C10orf90: variants seen among roughly 807,000 people sequenced by gnomAD.
C10orf90 encodes the protein chromosome 10 open reading frame 90.
In C10orf90, 56 loss-of-function variants were observed where a neutral mutation model predicts 62.5. That is an observed-to-expected ratio of 0.90 (90% confidence interval 0.72 to 1.12). The LOEUF (loss-of-function observed/expected upper bound fraction) is 1.12, where lower values mean the gene tolerates loss of function less well. Among genes scored for constraint, C10orf90 ranks in the 50% most tolerant of loss-of-function variants. The pLI, the probability that C10orf90 is intolerant of heterozygous loss-of-function variation, is 0.00. For missense variants in C10orf90, 970 were observed against 880.4 expected (o/e 1.10, Z -1.29); for synonymous variants, 386 against 340.4 (o/e 1.13, Z -1.47).
chr10:126,562,087 G>A (rs1270237895), intron 2 of C10orf90, among the ~76,000 whole-genome samples: 2 of 152,128 alleles, frequency 1.3e-5, no homozygotes, highest in East Asian at 1.9e-4. Flanking sequence ...CCCAAGTGGC[G>A]ACAGGCTGCC....
chr10:126,528,025 G>C (rs913839429), intron 2 of C10orf90, among the ~76,000 whole-genome samples: 7 of 152,144 alleles, frequency 4.6e-5, no homozygotes, highest in Admixed American at 4.6e-4. Context: ...TCAGAAACCA[G>C]AAACCAGGAA....
At chr10:126,655,742 A>C (rs1664960985) in intron 1 of C10orf90, among the ~76,000 whole-genome samples, 1 of 151,974 alleles carries the variant, frequency 6.6e-6, no homozygotes, top group African/African-American at 2.4e-5. Flanking sequence ...AACACCTCAG[A>C]GAGTTCTGGG....
chr10:126,475,353 G>A (rs1311743491), intron 4 of C10orf90, among the ~76,000 whole-genome samples: 1 of 152,154 alleles, frequency 6.6e-6, no homozygotes, highest in Non-Finnish European at 1.5e-5. Context: ...TTAGGCTTAA[G>A]CCCCAGGATG....
At chr10:126,497,487 C>T (rs1407748991) in intron 4 of C10orf90, among the ~76,000 whole-genome samples, 1 of 152,214 alleles carries the variant, frequency 6.6e-6, no homozygotes, top group East Asian at 1.9e-4. Flanking sequence ...ACCAGAGAAG[C>T]TGGCTTGTCT....
At chr10:126,665,780 C>T (rs939854989) in intron 1 of C10orf90, among the ~76,000 whole-genome samples, 5 of 152,062 alleles carry the variant, frequency 3.3e-5, no homozygotes, top group East Asian at 1.9e-4. Context: ...GAGGTAGAGA[C>T]GGAAATTAGA....
chr10:126,633,157 G>A (rs944584319), intron 2 of C10orf90, among the ~76,000 whole-genome samples: 1 of 152,166 alleles, frequency 6.6e-6, no homozygotes, highest in Admixed American at 6.5e-5. Context: ...TGCCTGGAAG[G>A]GGGTGATGTC....
At chr10:126,501,613 G>C (rs145032507) in intron 4 of C10orf90, among the ~76,000 whole-genome samples, 167 of 152,224 alleles carry the variant, frequency 1.1e-3, no homozygotes, top group South Asian at 9.7e-3. Context: ...TAGTTACCCA[G>C]ATGAGGAGTT....
intron 2 of C10orf90, among the ~76,000 whole-genome samples, chr10:126,568,771 C>T (rs1844444844): frequency 6.6e-6 from 1 of 152,134 alleles, no homozygotes; most frequent in South Asian, 2.1e-4. Context: ...CCAAGGGGCT[C>T]ACAGCTCACA....
At chr10:126,614,412 T>C (rs561675350) in intron 2 of C10orf90, among the ~76,000 whole-genome samples, 15 of 152,146 alleles carry the variant, frequency 9.9e-5, no homozygotes, top group Non-Finnish European at 2.1e-4. Flanking sequence ...AAGAACAGCC[T>C]TCAGTGGATT....
At chr10:126,660,672 G>A (rs114134754) in intron 1 of C10orf90, among the ~76,000 whole-genome samples, 1,672 of 152,314 alleles carry the variant, frequency 0.011, 23 homozygotes, top group Middle Eastern at 0.034. Context: ...CAGGACTTCT[G>A]ATCTACAAAT....
Position 126,590,164 on chromosome 10 carries a change from A to G in C10orf90, c.313+56401T>C, listed in dbSNP as rs548497000. On this transcript the variant is annotated intron_variant, in intron 2 of 9. Transcript: ENST00000488181. ...ACTGTTATAAATATATATGTACCCAACACAGGTGGACCCAGATTCATAAAG... is the reference window on the plus strand; with the variant it reads ...ACTGTTATAAATATATATGTACCCAGCACAGGTGGACCCAGATTCATAAAG... 2.6e-5 allele frequency among the ~76,000 whole-genome samples: 4 copies of G among 152,324 alleles called. No individual in the cohort carries two copies. In the South Asian group the frequency reaches 8.3e-4, roughly 32 times the overall value.
intron 2 of C10orf90, among the ~76,000 whole-genome samples, chr10:126,606,585 C>T (rs1172691065): frequency 2.0e-5 from 3 of 152,130 alleles, no homozygotes; most frequent in African/African-American, 7.2e-5. Context: ...TACAGGCATT[C>T]CATCTGCTGG....
intron 2 of C10orf90, among the ~76,000 whole-genome samples, chr10:126,605,928 T>TA (rs991738030): frequency 6.6e-6 from 1 of 150,594 alleles, no homozygotes; most frequent in Non-Finnish European, 1.5e-5. Flanking sequence ...ATTGCAGCAC[T>TA]AAAAAAAGAA....
intron 4 of C10orf90, among the ~76,000 whole-genome samples, chr10:126,476,909 T>C (rs995374232): frequency 2.3e-5 from 1 of 43,100 alleles, no homozygotes; most frequent in South Asian, 6.8e-4. Flanking sequence ...ACCATTTTCC[T>C]TTTTTTTTTT....
chr10:126,628,861 C>T (rs776827231), intron 2 of C10orf90, among the ~76,000 whole-genome samples: 27 of 152,214 alleles, frequency 1.8e-4, no homozygotes, highest in Non-Finnish European at 3.5e-4. Flanking sequence ...ATCCCAGCCA[C>T]TACAGAGGGG....
intron 2 of C10orf90, among the ~76,000 whole-genome samples, chr10:126,568,249 G>C (rs564704800): frequency 2.0e-5 from 3 of 152,314 alleles, no homozygotes; most frequent in African/African-American, 7.2e-5. Flanking sequence ...GTCACACAAG[G>C]CTGGAATCAG....
chr10:126,656,115 C>T (rs1219855606), intron 1 of C10orf90, among the ~76,000 whole-genome samples: 21 of 152,174 alleles, frequency 1.4e-4, no homozygotes, highest in South Asian at 1.2e-3. Flanking sequence ...ACAGAAAAAT[C>T]GTAGCAGCCA....
intron 4 of C10orf90, among the ~76,000 whole-genome samples, chr10:126,481,731 C>T (rs923744860): frequency 4.6e-5 from 7 of 152,146 alleles, no homozygotes; most frequent in South Asian, 4.2e-4. Flanking sequence ...TATCTCTCCC[C>T]GTTCATCCTC....
chr10:126,448,241 A>C (rs1858927813), intron 7 of C10orf90, among the ~76,000 whole-genome samples: 1 of 152,176 alleles, frequency 6.6e-6, no homozygotes, highest in East Asian at 1.9e-4. Flanking sequence ...GAAAATTCAT[A>C]GATATGTGAA....
Sources: allele counts gnomAD v4.1 joint callset (sites outside exome capture counted in the v4.1 genomes callset), GRCh38; gene constraint gnomAD v4.1.1; transcripts MANE v1.5; gene names NCBI Gene and HGNC (gene_info 2026-07-23, HGNC 2026-07-21).